The following BSND variants were observed in gnomAD, a reference collection of about 807,000 sequenced individuals.
BSND encodes the protein barttin CLCNK type accessory subunit beta, also known as barttin.
BSND carries 13 observed loss-of-function variants against 18.8 expected under a neutral mutation model. The observed-to-expected ratio is 0.69, with a 90% confidence interval of 0.45 to 1.10. The LOEUF (loss-of-function observed/expected upper bound fraction) is 1.10. BSND is among the 50% of genes least tolerant of loss of function. BSND has a pLI of 0.00. For synonymous variants in BSND, 170 were observed against 161.8 expected, an observed-to-expected ratio of 1.05 and a Z score of -0.39; for missense variants, 379 against 416.7, an observed-to-expected ratio of 0.91 and a Z score of 0.79.
At chr1:55,006,697 ACT>A (rs1225828172) in intron 2 of BSND, among the ~76,000 whole-genome samples, 1 of 152,158 alleles carries the variant, frequency 6.6e-6, no homozygotes, top group African/African-American at 2.4e-5. Context: ...GACCCGGCAA[ACT>A]CAATGTTAAC....
At chr1:55,007,935 T>C (rs1042443086) in intron 3 of BSND, among the ~76,000 whole-genome samples, 3 of 152,122 alleles carry the variant, frequency 2.0e-5, no homozygotes, top group Non-Finnish European at 4.4e-5. Flanking sequence ...CCCTGAATAA[T>C]TGGAGAAGTA....
intron 1 of BSND, among the ~76,000 whole-genome samples, chr1:55,002,967 GTGA>G (rs1570271252): frequency 0.011 from 1 of 90 alleles, no homozygotes; most frequent in African/African-American, 0.024. Context: ...GGTGATAATG[GTGA>G]TGATGATAAT....
At chr1:55,004,292 A>C (rs1280853657) in intron 1 of BSND, among the ~76,000 whole-genome samples, 2 of 152,258 alleles carry the variant, frequency 1.3e-5, no homozygotes. Context: ...TGCTCTGAAC[A>C]TGGCTGTGCA....
At chr1:55,004,722 C>T (rs1475879829) in intron 1 of BSND, among the ~76,000 whole-genome samples, 2 of 152,206 alleles carry the variant, frequency 1.3e-5, no homozygotes, top group Non-Finnish European at 2.9e-5. Context: ...GATGTGAGCT[C>T]CTCAAGGACA....
chr1:55,005,146 G>A, intron 2 of BSND, 30 bp downstream of exon 2: 1 of 1,606,294 alleles, frequency 6.2e-7, no homozygotes, highest in Non-Finnish European at 8.5e-7. Context: ...GGGAGGGGAG[G>A]AGTAAGCCCC....
Position 55,008,432 on chromosome 1 carries a change from G to A in BSND, c.767G>A (p.Gly256Glu). The change falls in exon 4 of 4, where the codon GGG (glycine) becomes GAG (glutamate). Residue 256 changes from glycine (G) to glutamate (E), a missense_variant. Physicochemically the swap from Gly to Glu is moderately conservative, Grantham distance 98. Coordinates refer to ENST00000651561, the MANE Select transcript of BSND (RefSeq NM_057176.3). The stretch of plus-strand genomic sequence containing the variant: ...ACGTTGGAGGATGAGCCCCAAGAGG[G>A]GCAGCAGTGGGAAATAGCCCTGCCC... ...APTLEDEPQE[G>E]QQWEIALPNN... 13 of 1,614,180 alleles carry A rather than the reference G, an allele frequency of 8.1e-6. No individual in the cohort carries two copies. The highest frequency in any genetic ancestry group is 1.1e-5 in the Non-Finnish European group (13 of 1,180,008).
At position 55,007,124 on chromosome 1, in the gene BSND, CCT is replaced by C. The variant is rs2100208686; in HGVS notation, c.401_402del (p.Pro134ArgfsTer11). The stretch of plus-strand genomic sequence containing the variant: ...TGAGGACCACCGCTCCTTGCTGGCC[CCT>C]GAGATGGGGCAGCCGAAGCTGGGAA... ...YSEDHRSLLAPEMGQPKLGTS... is the reference protein window; with the variant it reads ...YSEDHRSLLAXEMGQPKLGTS... On this transcript the variant is annotated frameshift_variant, in exon 3 of 4. Coordinates refer to ENST00000651561, the MANE Select transcript of BSND (RefSeq NM_057176.3). LOFTEE classifies it high-confidence loss of function. 6 of 1,614,178 alleles carry C rather than the reference CCT, an allele frequency of 3.7e-6. No homozygotes were observed. Among genetic ancestry groups the C allele is most frequent in the Non-Finnish European group, 5.1e-6 (6 of 1,180,038 alleles).
Position 54,999,167 on chromosome 1 carries a change from C to T in BSND, c.-20C>T. The T allele has an allele frequency of 1.2e-6, 2 of 1,613,584 alleles. No individual in the cohort carries two copies. The highest frequency in any genetic ancestry group is 1.7e-6 in the Non-Finnish European group (2 of 1,180,014). On this transcript the variant is annotated 5_prime_UTR_variant, in exon 1 of 4. Coordinates refer to ENST00000651561, the MANE Select transcript of BSND (RefSeq NM_057176.3). ...CCCCCTCTCCCGGGGGTGTGCAGGC[C>T]AGGGACTGGCCAGGCAGCCATGGCT...
chr1:55,007,395 T>A, intron 3 of BSND, 123 bp downstream of exon 3: 4 of 1,300,240 alleles, frequency 3.1e-6, no homozygotes, highest in Non-Finnish European at 4.1e-6. Flanking sequence ...GTGGAGGGTG[T>A]GGGACACCCT....
chr1:55,004,354 G>A (rs528862391), intron 1 of BSND, among the ~76,000 whole-genome samples: 10 of 152,306 alleles, frequency 6.6e-5, no homozygotes, highest in Admixed American at 2.0e-4. Context: ...GAGAGACTGC[G>A]AAGAGAGATG....
intron 1 of BSND, among the ~76,000 whole-genome samples, chr1:55,000,273 A>G (rs1390588357): frequency 6.6e-6 from 1 of 152,150 alleles, no homozygotes; most frequent in Non-Finnish European, 1.5e-5. Context: ...GCGAATCTTC[A>G]ATGCCTAGAG....
Position 55,013,354 on chromosome 1 carries a change from G to A in BSND, c.*4726G>A, listed in dbSNP as rs183566160. Among the ~76,000 whole-genome samples the A allele has an allele frequency of 6.6e-6, 1 of 152,064 alleles. No homozygotes were observed. The highest frequency in any genetic ancestry group is 1.5e-5 in the Non-Finnish European group (1 of 68,024). ...AATTTTGTATTTTTAATAGAGATGA[G>A]GTTTCATCATGTTGGCCAGGCTGGT... is the stretch of plus-strand genomic sequence containing the variant. On this transcript the variant is annotated 3_prime_UTR_variant, in exon 4 of 4. Coordinates refer to ENST00000651561, the MANE Select transcript of BSND (RefSeq NM_057176.3).
At position 55,013,354 on chromosome 1, in the gene BSND, G is replaced by C. The variant is rs183566160; in HGVS notation, c.*4726G>C. On this transcript the variant is annotated 3_prime_UTR_variant, in exon 4 of 4. Coordinates refer to ENST00000651561, the MANE Select transcript of BSND (RefSeq NM_057176.3). ...AATTTTGTATTTTTAATAGAGATGA[G>C]GTTTCATCATGTTGGCCAGGCTGGT... Among the ~76,000 whole-genome samples, 253 of 152,182 alleles carry C rather than the reference G, an allele frequency of 1.7e-3. No individual in the cohort carries two copies. The highest frequency in any genetic ancestry group is 2.8e-3 in the Non-Finnish European group (190 of 68,016).
chr1:55,007,376 G>A (rs1644397273), intron 3 of BSND, 104 bp downstream of exon 3: 3 of 1,396,312 alleles, frequency 2.1e-6, no homozygotes, highest in South Asian at 1.5e-5. Flanking sequence ...TGGGGGTAAG[G>A]AGAGGGCAGT....
At chr1:55,000,461 G>C (rs77674915) in intron 1 of BSND, among the ~76,000 whole-genome samples, 7 of 151,392 alleles carry the variant, frequency 4.6e-5, no homozygotes, top group Non-Finnish European at 7.4e-5. Flanking sequence ...TAGGAGGGGG[G>C]GGTGGGAAAG....
At chr1:54,999,586 C>T (rs530565207) in intron 1 of BSND, among the ~76,000 whole-genome samples, 25 of 152,242 alleles carry the variant, frequency 1.6e-4, no homozygotes, top group Admixed American at 1.6e-3. Context: ...GATCAGAAGG[C>T]CCCTGGATCT....
Position 55,010,951 on chromosome 1 carries a change from TGAGGCCTTACG to T in BSND, c.*2324_*2334del, listed in dbSNP as rs1644419362. The T allele has an allele frequency of 1.3e-5, 2 of 152,264 alleles. No homozygotes were observed. The highest frequency in any genetic ancestry group is 4.1e-4 in the South Asian group (2 of 4,834). The allele number at this position is 152,264 out of a possible 1,614,324, so 9.4% of individuals were successfully genotyped here. A position where few individuals can be genotyped will look rare whatever the true frequency, so the allele number is the denominator to read the frequency against. On this transcript the variant is annotated 3_prime_UTR_variant, in exon 4 of 4. Coordinates refer to ENST00000651561, the MANE Select transcript of BSND (RefSeq NM_057176.3). ...ACCCCTTCCCTCGGGGCAGGATACG[TGAGGCCTTACG>T]CCTGACGGGCACCAGAGGCCCTCTT...
rs114160959 is a variant in BSND at position 55,015,888 on chromosome 1, G to C, written c.*7260G>C. On this transcript the variant is annotated 3_prime_UTR_variant, in exon 4 of 4. Coordinates refer to ENST00000651561, the MANE Select transcript of BSND (RefSeq NM_057176.3). ...AGGAACTCCCACCAAGCTATGTCCT[G>C]AAGGATTCGCTAGGGAAGAGCAGGG... 3.6e-3 allele frequency among the ~76,000 whole-genome samples: 545 copies of C among 152,350 alleles called. 6 individuals are homozygous for C. The highest frequency in any genetic ancestry group is 0.012 in the African/African-American group (517 of 41,576).
At chr1:55,006,005 GC>G (rs1192188630) in intron 2 of BSND, among the ~76,000 whole-genome samples, 3 of 152,228 alleles carry the variant, frequency 2.0e-5, no homozygotes, top group Admixed American at 2.0e-4. Context: ...GAATGCTCCA[GC>G]CCTGGAGAGG....
Sources: allele counts gnomAD v4.1 joint callset (sites outside exome capture counted in the v4.1 genomes callset), GRCh38; gene constraint gnomAD v4.1.1; transcripts MANE v1.5; gene names NCBI Gene and HGNC (gene_info 2026-07-23, HGNC 2026-07-21).